Variants in KCNMB4 observed in about 807,000 individuals in gnomAD.
The protein encoded by KCNMB4 is calcium-activated potassium channel subunit beta-4.
Under a neutral mutation model 20.7 loss-of-function variants are expected in KCNMB4, and 3 were observed. The observed-to-expected ratio is 0.14, with a 90% CI of 0.07 to 0.37. The LOEUF (loss-of-function observed/expected upper bound fraction) is 0.37, where lower values mean the gene tolerates loss of function less well. KCNMB4 is among the 10% of genes least tolerant of loss of function. The pLI is 1.00. For missense variants in KCNMB4, 168 were observed against 265.9 expected, an observed-to-expected ratio of 0.63 and a Z score of 2.56; for synonymous variants, 110 against 113.4, an observed-to-expected ratio of 0.97 and a Z score of 0.19.
At chr12:70,389,348 A>G (rs1868282062) in intron 1 of KCNMB4, among the ~76,000 whole-genome samples, 1 of 152,090 alleles carries the variant, frequency 6.6e-6, no homozygotes, top group East Asian at 1.9e-4. Flanking sequence ...TGTTTGTCAT[A>G]TGACCATTCT....
Position 70,406,715 on chromosome 12 carries a change from G to A in KCNMB4, c.464+6379G>A, listed in dbSNP as rs1019487196. On this transcript the variant is annotated intron_variant, in intron 2 of 2. Transcript: ENST00000258111. ...CTAGCTGGTGACCATGTTGATGAACGTCCTCTCACTCCCCACTTGGGAACT... is the reference window on the plus strand; with the variant it reads ...CTAGCTGGTGACCATGTTGATGAACATCCTCTCACTCCCCACTTGGGAACT... Among the ~76,000 whole-genome samples the A allele has an allele frequency of 3.9e-5, 6 of 151,952 alleles. No individual in the cohort carries two copies. The East Asian group carries it at 7.7e-4, about 20-fold the overall frequency.
chr12:70,418,780 C>G (rs1206293285), intron 2 of KCNMB4, among the ~76,000 whole-genome samples: 1 of 152,104 alleles, frequency 6.6e-6, no homozygotes, highest in African/African-American at 2.4e-5. Flanking sequence ...TCCTTACCCA[C>G]CTCATTTCCT....
At chr12:70,367,166 C>T in intron 1 of KCNMB4, 96 bp downstream of exon 1, 2 of 985,756 alleles carry the variant, frequency 2.0e-6, no homozygotes, top group Admixed American at 2.8e-5. Flanking sequence ...GGCGTGTGCT[C>T]GCATTGCTAG....
At chr12:70,410,804 A>G (rs903112065) in intron 2 of KCNMB4, among the ~76,000 whole-genome samples, 17 of 151,864 alleles carry the variant, frequency 1.1e-4, no homozygotes, top group Non-Finnish European at 2.4e-4. Context: ...CAACAACACA[A>G]AAAAAAGGAA....
chr12:70,367,560 T>C lies in KCNMB4; in HGVS notation c.336+490T>C, dbSNP rs567038360. Among the ~76,000 whole-genome samples the C allele has an allele frequency of 1.4e-3, 220 of 152,276 alleles. 1 individual carries two copies. Among genetic ancestry groups the C allele is most frequent in the African/African-American group, 5.0e-3 (209 of 41,548 alleles). On this transcript the variant is annotated intron_variant, in intron 1 of 2. Transcript: ENST00000258111. ...AAAGTTGTGAGAGAGTTCCTCACCTTTTCGCTCTACATAGGCATTTTCAAC... is the reference window on the plus strand; with the variant it reads ...AAAGTTGTGAGAGAGTTCCTCACCTCTTCGCTCTACATAGGCATTTTCAAC...
intron 2 of KCNMB4, among the ~76,000 whole-genome samples, chr12:70,419,511 C>T (rs1302675872): frequency 6.6e-6 from 1 of 152,120 alleles, no homozygotes; most frequent in African/African-American, 2.4e-5. Context: ...CTTGTTACCT[C>T]TGAATTTCTC....
chr12:70,410,531 T>C (rs763137445), intron 2 of KCNMB4, among the ~76,000 whole-genome samples: 1 of 152,246 alleles, frequency 6.6e-6, no homozygotes, highest in Non-Finnish European at 1.5e-5. Context: ...TGTACGACCT[T>C]GGATAAATTG....
rs1238271445 is a variant in KCNMB4, at chr12:70,431,486, C to T, written c.*833C>T. 1 of 150,184 alleles carries T rather than the reference C, an allele frequency of 6.7e-6. No individual in the cohort carries two copies. The highest frequency in any genetic ancestry group is 2.4e-5 in the African/African-American group (1 of 40,910). The allele number at this position is 150,184 out of a possible 1,614,324, so 9.3% of individuals were successfully genotyped here. A position where few individuals can be genotyped will look rare whatever the true frequency, so the allele number is the denominator to read the frequency against. On this transcript the variant is annotated 3_prime_UTR_variant, in exon 3 of 3. Transcript: ENST00000258111. ...ACATGATGTGAAGGACACTCTTCAG[C>T]TTAGTGAAACGCTGTTTTCATTTTT... is the stretch of plus-strand genomic sequence containing the variant.
At chr12:70,383,994 A>C (rs1442301824) in intron 1 of KCNMB4, among the ~76,000 whole-genome samples, 1 of 152,144 alleles carries the variant, frequency 6.6e-6, no homozygotes, top group Non-Finnish European at 1.5e-5. Flanking sequence ...ACTTGAACCC[A>C]GGGGGCAGAA....
At chr12:70,410,550 C>G (rs918069413) in intron 2 of KCNMB4, among the ~76,000 whole-genome samples, 5 of 152,230 alleles carry the variant, frequency 3.3e-5, no homozygotes, top group Admixed American at 6.5e-5. Context: ...TGTGCAGCTT[C>G]TCCATCTTGG....
chr12:70,392,726 A>G (rs1454881041), intron 1 of KCNMB4, among the ~76,000 whole-genome samples: 3 of 152,144 alleles, frequency 2.0e-5, no homozygotes, highest in East Asian at 3.9e-4. Flanking sequence ...GCAAACTAAC[A>G]CAGGAACAGA....
At chr12:70,403,271 C>G (rs933206244) in intron 2 of KCNMB4, among the ~76,000 whole-genome samples, 3 of 152,052 alleles carry the variant, frequency 2.0e-5, no homozygotes, top group Non-Finnish European at 4.4e-5. Flanking sequence ...ATTTACAACT[C>G]TCTCCCAGGA....
At chr12:70,409,329 C>G (rs1014763713) in intron 2 of KCNMB4, among the ~76,000 whole-genome samples, 1 of 152,194 alleles carries the variant, frequency 6.6e-6, no homozygotes, top group Non-Finnish European at 1.5e-5. Flanking sequence ...CAGCCTTGGT[C>G]TTTCTCTTGT....
At chr12:70,413,260 G>A (rs1868830919) in intron 2 of KCNMB4, among the ~76,000 whole-genome samples, 1 of 152,176 alleles carries the variant, frequency 6.6e-6, no homozygotes. Context: ...GTGTTTTCAT[G>A]CTTGCAAATT....
chr12:70,396,901 A>G (rs1868358294), intron 1 of KCNMB4, among the ~76,000 whole-genome samples: 3 of 152,184 alleles, frequency 2.0e-5, no homozygotes. Flanking sequence ...TTGGACTTTC[A>G]TTTCTAATTT....
At chr12:70,422,372 A>G (rs1213185137) in intron 2 of KCNMB4, among the ~76,000 whole-genome samples, 1 of 152,234 alleles carries the variant, frequency 6.6e-6, no homozygotes, top group Admixed American at 6.5e-5. Context: ...CTAGTTTTCA[A>G]AATCCTGCAC....
chr12:70,367,434 G>A (rs754232840), intron 1 of KCNMB4, among the ~76,000 whole-genome samples: 2 of 152,134 alleles, frequency 1.3e-5, no homozygotes, highest in African/African-American at 4.8e-5. Flanking sequence ...TGGTTAGCGG[G>A]GATCCACCTA....
intron 2 of KCNMB4, among the ~76,000 whole-genome samples, chr12:70,407,699 C>G (rs1249947491): frequency 2.6e-5 from 4 of 151,638 alleles, no homozygotes; most frequent in Admixed American, 2.6e-4. Flanking sequence ...GATCTCCTGA[C>G]CTCGTGATCC....
intron 1 of KCNMB4, among the ~76,000 whole-genome samples, chr12:70,393,353 C>T (rs1482696189): frequency 6.6e-6 from 1 of 152,106 alleles, no homozygotes; most frequent in East Asian, 1.9e-4. Flanking sequence ...CAGGCTCCTG[C>T]CACCATGCCT....
Sources: gnomAD v4.1 joint callset for allele counts (sites outside exome capture counted in the v4.1 genomes callset) on GRCh38, gnomAD v4.1.1 for gene constraint, MANE v1.5 for transcripts, NCBI Gene and HGNC (gene_info 2026-07-23, HGNC 2026-07-21) for gene names.